The following SFMBT2 variants were observed in gnomAD, a reference collection of about 807,000 sequenced individuals.
SFMBT2 encodes the protein Scm like with four mbt domains 2.
SFMBT2 carries 38 observed loss-of-function variants against 110.1 expected under a neutral mutation model. The observed-to-expected ratio is 0.35, with a 90% CI of 0.27 to 0.45. SFMBT2 has a LOEUF of 0.45. SFMBT2 is among the 20% of genes least tolerant of loss of function. The pLI is 1.00. For synonymous variants in SFMBT2, 425 were observed against 425.4 expected, an observed-to-expected ratio of 1.00 and a Z score of 0.01; for missense variants, 1,011 against 1,094.9, an observed-to-expected ratio of 0.92 and a Z score of 1.08.
chr10:7,362,131 C>T (rs1003699071), intron 4 of SFMBT2, among the ~76,000 whole-genome samples: 4 of 152,150 alleles, frequency 2.6e-5, no homozygotes, highest in East Asian at 1.9e-4. Flanking sequence ...TAATCCTCCG[C>T]GGCACTGGGT....
At chr10:7,192,959 T>A (rs865955866) in intron 15 of SFMBT2, among the ~76,000 whole-genome samples, 34 of 152,134 alleles carry the variant, frequency 2.2e-4, no homozygotes, top group African/African-American at 7.2e-4. Flanking sequence ...GGTGGAGAGT[T>A]ACACTGGAGC....
chr10:7,379,726 C>T (rs1192862893), intron 2 of SFMBT2, among the ~76,000 whole-genome samples: 1 of 152,164 alleles, frequency 6.6e-6, no homozygotes, highest in Non-Finnish European at 1.5e-5. Context: ...AAGATCTGAA[C>T]ATCCTGTATG....
chr10:7,351,989 T>C (rs1844338742), intron 4 of SFMBT2, among the ~76,000 whole-genome samples: 1 of 151,974 alleles, frequency 6.6e-6, no homozygotes, highest in African/African-American at 2.4e-5. Context: ...ACGGTGAAGA[T>C]GAGGACAGTG....
intron 7 of SFMBT2, among the ~76,000 whole-genome samples, chr10:7,269,988 G>A (rs1174983942): frequency 6.6e-6 from 1 of 151,924 alleles, no homozygotes; most frequent in Non-Finnish European, 1.5e-5. Flanking sequence ...CATGAAATGC[G>A]ATCAGATTGG....
chr10:7,289,592 G>A (rs377501984), intron 4 of SFMBT2, among the ~76,000 whole-genome samples: 1 of 152,092 alleles, frequency 6.6e-6, no homozygotes, highest in South Asian at 2.1e-4. Context: ...CATGGTAGAC[G>A]TATCTATAAA....
intron 4 of SFMBT2, among the ~76,000 whole-genome samples, chr10:7,335,435 G>T (rs1410241658): frequency 4.6e-5 from 7 of 152,088 alleles, no homozygotes; most frequent in Non-Finnish European, 1.0e-4. Flanking sequence ...GCATTACTTG[G>T]TGACCCCAAC....
chr10:7,405,395 G>C (rs1040169758), intron 1 of SFMBT2, among the ~76,000 whole-genome samples: 15 of 152,210 alleles, frequency 9.9e-5, no homozygotes, highest in African/African-American at 3.6e-4. Context: ...GGTTATGTGG[G>C]AAGGCCACAT....
chr10:7,211,818 C>A (rs1263720280), intron 11 of SFMBT2, among the ~76,000 whole-genome samples: 1 of 152,134 alleles, frequency 6.6e-6, no homozygotes, highest in African/African-American at 2.4e-5. Flanking sequence ...TAGTAACTAC[C>A]TGACTTTTTT....
intron 11 of SFMBT2, among the ~76,000 whole-genome samples, chr10:7,211,799 C>G (rs564197099): frequency 2.6e-4 from 39 of 152,276 alleles, no homozygotes; most frequent in African/African-American, 9.1e-4. Context: ...CAAGTATCTC[C>G]AAAATGCATA....
intron 11 of SFMBT2, chr10:7,215,463 A>C: frequency 2.6e-6 from 2 of 765,442 alleles, no homozygotes; most frequent in South Asian, 1.2e-4. Flanking sequence ...AACCTGTTTT[A>C]GGGGATCTCC....
At chr10:7,253,167 G>A (rs544226959) in intron 7 of SFMBT2, among the ~76,000 whole-genome samples, 5 of 152,206 alleles carry the variant, frequency 3.3e-5, no homozygotes, top group Admixed American at 2.0e-4. Context: ...CCCTCACCCC[G>A]GGCACCTCTT....
chr10:7,283,677 T>C lies in SFMBT2; in HGVS notation c.772+227A>G, dbSNP rs76131616. The stretch of plus-strand genomic sequence containing the variant: ...AACCAGTGATTCCCAAGGAACTAGA[T>C]CAATTTCCCTAAGGCCTCTAACATT... On this transcript the variant is annotated intron_variant, in intron 6 of 20. Transcript: ENST00000397167. 7.2e-5 allele frequency among the ~76,000 whole-genome samples: 11 copies of C among 152,330 alleles called. No homozygotes were observed. The East Asian group carries it at 2.1e-3, about 29-fold the overall frequency.
chr10:7,364,164 C>T (rs1018198221), intron 4 of SFMBT2, among the ~76,000 whole-genome samples: 4 of 152,218 alleles, frequency 2.6e-5, no homozygotes, highest in African/African-American at 9.7e-5. Flanking sequence ...CATGAACCTG[C>T]TATTTCCTGA....
At chr10:7,216,385 G>A (rs1487536454) in intron 11 of SFMBT2, among the ~76,000 whole-genome samples, 4 of 152,218 alleles carry the variant, frequency 2.6e-5, no homozygotes, top group Admixed American at 2.6e-4. Context: ...GATGGTTTTA[G>A]AAGGGGTTTC....
intron 4 of SFMBT2, among the ~76,000 whole-genome samples, chr10:7,316,843 T>C (rs1843028183): frequency 6.6e-6 from 1 of 151,740 alleles, no homozygotes; most frequent in Non-Finnish European, 1.5e-5. Flanking sequence ...AGCCATAGTA[T>C]GTAGGCTGGT....
rs552477766 is a variant in SFMBT2 at position 7,299,594 on chromosome 10, C to T, written c.437-13640G>A. 5.9e-5 allele frequency among the ~76,000 whole-genome samples: 9 copies of T among 152,108 alleles called. No individual in the cohort carries two copies. In the East Asian group the frequency reaches 7.7e-4, roughly 13 times the overall value. The stretch of plus-strand genomic sequence containing the variant: ...AAAGTCAGGAAACAATAGATGCTGG[C>T]GAGGCTGTGGAGAAACAGGAACGCT... On this transcript the variant is annotated intron_variant, in intron 4 of 20. Coordinates refer to ENST00000397167, the MANE Select transcript of SFMBT2 (RefSeq NM_001387889.1).
rs80180844 is a variant in SFMBT2 at position 7,327,322 on chromosome 10, C to T, written c.436+40327G>A. ...CACCACCACCATCAGGATACAGTTT[C>T]ATCACCCCGAAAAAAAAATCCCTCC... is the stretch of plus-strand genomic sequence containing the variant. On this transcript the variant is annotated intron_variant, in intron 4 of 20. Transcript: ENST00000397167. Among the ~76,000 whole-genome samples the T allele has an allele frequency of 9.9e-3, 1,501 of 152,112 alleles. 28 individuals are homozygous for T. Among genetic ancestry groups the T allele is most frequent in the African/African-American group, 0.035 (1,439 of 41,476 alleles).
At chr10:7,269,552 G>A (rs1246738648) in intron 7 of SFMBT2, among the ~76,000 whole-genome samples, 3 of 152,170 alleles carry the variant, frequency 2.0e-5, no homozygotes, top group Non-Finnish European at 4.4e-5. Context: ...ACAGCTGAAC[G>A]CTATGGCAAT....
rs964932654 is a variant in SFMBT2 at position 7,176,593 on chromosome 10, G to A, written c.1809-428C>T. On this transcript the variant is annotated intron_variant, in intron 16 of 20. Transcript: ENST00000397167. ...ATCAGGATTCTGCCTTGAAAACCAT[G>A]CAAATTCAGAACACTGAAAGGATAT... 7 of 680,574 alleles carry A rather than the reference G, an allele frequency of 1.0e-5. No individual in the cohort carries two copies. In the African/African-American group the frequency reaches 1.2e-4, roughly 11 times the overall value. 42.2% of individuals were successfully genotyped at this position (680,574 alleles called of 1,614,324 possible). A position where few individuals can be genotyped will look rare whatever the true frequency, so the allele number is the denominator to read the frequency against.
Sources: allele counts gnomAD v4.1 joint callset (sites outside exome capture counted in the v4.1 genomes callset), GRCh38; gene constraint gnomAD v4.1.1; transcripts MANE v1.5; gene names NCBI Gene and HGNC (gene_info 2026-07-23, HGNC 2026-07-21).